Variants in CSMD3 observed in about 807,000 individuals in gnomAD.
CSMD3 encodes CUB and Sushi multiple domains 3, also known as CUB and sushi domain-containing protein 3.
CSMD3 carries 177 observed loss-of-function variants against 435.2 expected under a neutral mutation model. The observed-to-expected ratio is 0.41, with a 90% CI of 0.36 to 0.46. The LOEUF (loss-of-function observed/expected upper bound fraction) is 0.46, where lower values mean the gene tolerates loss of function less well. CSMD3 is among the 20% of genes least tolerant of loss of function. The pLI, the probability that CSMD3 is intolerant of heterozygous loss-of-function variation, is 0.34. For missense variants in CSMD3, 4,265 were observed against 4,504.6 expected (o/e 0.95, Z 1.52); for synonymous variants, 1,656 against 1,520.5 (o/e 1.09, Z -2.07).
chr8:112,277,504 A>G (rs1400094129), intron 59 of CSMD3, among the ~76,000 whole-genome samples: 2 of 152,184 alleles, frequency 1.3e-5, no homozygotes, highest in Non-Finnish European at 2.9e-5. Context: ...AAACTTTCCC[A>G]CATTTTTCTG....
intron 1 of CSMD3, among the ~76,000 whole-genome samples, chr8:113,319,818 T>A (rs1334411264): frequency 6.6e-6 from 1 of 152,120 alleles, no homozygotes; most frequent in African/African-American, 2.4e-5. Flanking sequence ...TAAATACATT[T>A]CTAAGTGAAA....
chr8:112,241,205 C>G (rs1397714899), intron 66 of CSMD3, among the ~76,000 whole-genome samples: 1 of 151,888 alleles, frequency 6.6e-6, no homozygotes, highest in Non-Finnish European at 1.5e-5. Context: ...TCCAAGGTCA[C>G]AAGTCAGAGA....
intron 7 of CSMD3, among the ~76,000 whole-genome samples, chr8:112,957,054 A>G (rs2084044454): frequency 1.3e-5 from 2 of 152,084 alleles, no homozygotes. Context: ...GGAAAGAATA[A>G]TGTATATCTC....
intron 26 of CSMD3, among the ~76,000 whole-genome samples, chr8:112,551,385 T>A (rs1412864286): frequency 6.6e-6 from 1 of 152,118 alleles, no homozygotes; most frequent in East Asian, 1.9e-4. Context: ...TTTGCCACGT[T>A]TCATGTTAAA....
chr8:112,651,284 T>A (rs1436756004), intron 18 of CSMD3, among the ~76,000 whole-genome samples: 2 of 152,194 alleles, frequency 1.3e-5, no homozygotes, highest in Admixed American at 6.5e-5. Flanking sequence ...CATATTTATA[T>A]GAGAAAATAT....
At chr8:112,525,449 A>AGT (rs928467987) in intron 27 of CSMD3, among the ~76,000 whole-genome samples, 22 of 150,702 alleles carry the variant, frequency 1.5e-4, no homozygotes, top group Admixed American at 1.3e-3. Context: ...GGCCGGGAGC[A>AGT]GTGGCTCACG....
At position 113,032,861 on chromosome 8, in the gene CSMD3, T is replaced by C. The variant is rs138815461; in HGVS notation, c.918-13682A>G. Among the ~76,000 whole-genome samples the C allele has an allele frequency of 1.2e-3, 189 of 151,536 alleles. 2 individuals carry two copies. The highest frequency in any genetic ancestry group is 4.3e-3 in the African/African-American group (179 of 41,452). On this transcript the variant is annotated intron_variant, in intron 5 of 70. Transcript: ENST00000297405. Reference sequence around the variant, plus strand: ...TTCCTGGGCTGCACTCAGGGCCCCATTGGTCTGTGCAGCTTCAGGTCTTGG... The same window carrying C: ...TTCCTGGGCTGCACTCAGGGCCCCACTGGTCTGTGCAGCTTCAGGTCTTGG...
chr8:112,620,948 T>C (rs1482683023), intron 22 of CSMD3, among the ~76,000 whole-genome samples: 1 of 152,114 alleles, frequency 6.6e-6, no homozygotes, highest in Non-Finnish European at 1.5e-5. Flanking sequence ...TAAAAACATA[T>C]ATGGCAGGCC....
At chr8:113,332,054 C>T (rs1164620187) in intron 1 of CSMD3, among the ~76,000 whole-genome samples, 1 of 151,434 alleles carries the variant, frequency 6.6e-6, no homozygotes, top group African/African-American at 2.4e-5. Flanking sequence ...AATTCCAAAC[C>T]ACAGTAATAA....
intron 27 of CSMD3, among the ~76,000 whole-genome samples, chr8:112,534,698 G>A (rs1389690471): frequency 6.6e-6 from 1 of 152,046 alleles, no homozygotes; most frequent in African/African-American, 2.4e-5. Context: ...GCATCATTCT[G>A]ATACCAAAGC....
At chr8:113,209,736 T>C (rs1239876273) in intron 3 of CSMD3, among the ~76,000 whole-genome samples, 1 of 152,074 alleles carries the variant, frequency 6.6e-6, no homozygotes, top group African/African-American at 2.4e-5. Flanking sequence ...TTTCTCTAAT[T>C]TTATTCAGTT....
chr8:112,670,550 G>A (rs2075632754), intron 16 of CSMD3, among the ~76,000 whole-genome samples: 1 of 152,134 alleles, frequency 6.6e-6, no homozygotes, highest in Non-Finnish European at 1.5e-5. Flanking sequence ...TATGAAATAA[G>A]GCTGTAGCAG....
chr8:112,429,341 A>G (rs546126596), intron 32 of CSMD3, among the ~76,000 whole-genome samples: 1 of 152,086 alleles, frequency 6.6e-6, no homozygotes, highest in Non-Finnish European at 1.5e-5. Context: ...ATATCTTTCA[A>G]GTTCATCCTT....
At position 112,657,208 on chromosome 8, in the gene CSMD3, G is replaced by A. The variant is rs113903406; in HGVS notation, c.2817-867C>T. 3.1e-3 allele frequency among the ~76,000 whole-genome samples: 467 copies of A among 151,956 alleles called. 1 individual carries two copies. The highest frequency in any genetic ancestry group is 0.01 in the African/African-American group (434 of 41,456). ...CTTCTGAGTAGCTGGAATTACAGGC[G>A]TGTGCCACCACGCCTGGCGGATTTT... On this transcript the variant is annotated intron_variant, in intron 17 of 70. Coordinates refer to ENST00000297405, the MANE Select transcript of CSMD3 (RefSeq NM_198123.2).
intron 13 of CSMD3, among the ~76,000 whole-genome samples, chr8:112,742,813 A>C (rs2077342027): frequency 6.6e-6 from 1 of 152,006 alleles, no homozygotes; most frequent in South Asian, 2.1e-4. Flanking sequence ...GAAATGAAGA[A>C]GACTGACTAC....
At chr8:112,640,662 A>G (rs1269801672) in intron 20 of CSMD3, among the ~76,000 whole-genome samples, 1 of 151,946 alleles carries the variant, frequency 6.6e-6, no homozygotes, top group East Asian at 1.9e-4. Context: ...CTAAAAATTA[A>G]GTCAGTTTTT....
At chr8:112,605,912 C>T (rs1443750948) in intron 22 of CSMD3, among the ~76,000 whole-genome samples, 1 of 152,068 alleles carries the variant, frequency 6.6e-6, no homozygotes, top group Non-Finnish European at 1.5e-5. Context: ...GTCAATCCTG[C>T]CCTTCATTCT....
At chr8:112,392,698 A>G (rs746823587) in intron 35 of CSMD3, among the ~76,000 whole-genome samples, 1 of 151,832 alleles carries the variant, frequency 6.6e-6, no homozygotes, top group Non-Finnish European at 1.5e-5. Context: ...TTAATCAAAT[A>G]AGTGGCCTCC....
intron 9 of CSMD3, among the ~76,000 whole-genome samples, chr8:112,944,642 A>C (rs887310633): frequency 2.0e-5 from 3 of 151,646 alleles, no homozygotes; most frequent in African/African-American, 7.2e-5. Flanking sequence ...TTCCACTGAA[A>C]TCACTCTTGT....
Sources: allele counts gnomAD v4.1 joint callset (sites outside exome capture counted in the v4.1 genomes callset), GRCh38; gene constraint gnomAD v4.1.1; transcripts MANE v1.5; gene names NCBI Gene and HGNC (gene_info 2026-07-23, HGNC 2026-07-21).